The following SLC47A1 variants were observed in gnomAD, a reference collection of about 807,000 sequenced individuals.
SLC47A1 encodes the protein multidrug and toxin extrusion protein 1.
In SLC47A1, 58 loss-of-function variants were observed where a neutral mutation model predicts 65.8. The observed-to-expected ratio is 0.88, with a 90% CI of 0.71 to 1.10. The LOEUF is 1.10. SLC47A1 is among the 50% of genes least tolerant of loss of function. The pLI, the probability that SLC47A1 is intolerant of heterozygous loss-of-function variation, is 0.00. For synonymous variants in SLC47A1, 285 were observed against 295.0 expected, an observed-to-expected ratio of 0.97 and a Z score of 0.35; for missense variants, 706 against 719.2, an observed-to-expected ratio of 0.98 and a Z score of 0.21.
chr17:19,565,507 G>A (rs1339645880), intron 12 of SLC47A1, among the ~76,000 whole-genome samples: 1 of 151,750 alleles, frequency 6.6e-6, no homozygotes, highest in Non-Finnish European at 1.5e-5. Context: ...GGACTATGCG[G>A]TAACCCCTCT....
chr17:19,556,718 C>T lies in SLC47A1; in HGVS notation c.921+656C>T, dbSNP rs142374854. On this transcript the variant is annotated intron_variant, in intron 10 of 16. Transcript: ENST00000270570. ...AGATTACAGGTGCCTGCCACCACGC[C>T]CAGCTAATTTTGTATTTTCAGTAGA... 9.3e-3 allele frequency among the ~76,000 whole-genome samples: 1,415 copies of T among 152,182 alleles called. 57 individuals carry two copies. The highest frequency in any genetic ancestry group is 0.067 in the East Asian group (348 of 5,180).
At position 19,578,218 on chromosome 17, in the gene SLC47A1, T is replaced by G. The variant is rs976789114; in HGVS notation, c.*665T>G. On this transcript the variant is annotated 3_prime_UTR_variant, in exon 17 of 17. Coordinates refer to ENST00000270570, the MANE Select transcript of SLC47A1 (RefSeq NM_018242.3). Reference sequence around the variant, plus strand: ...GACACTGAAAAACAGTTGGGAAATCTTTCGAGCTGTGGAAATCCAAACAAA... The same window carrying G: ...GACACTGAAAAACAGTTGGGAAATCGTTCGAGCTGTGGAAATCCAAACAAA... The G allele has an allele frequency of 2.9e-6, 1 of 350,732 alleles. No homozygotes were observed. Among genetic ancestry groups the G allele is most frequent in the Non-Finnish European group, 5.6e-6 (1 of 177,554 alleles). 21.7% of individuals were successfully genotyped at this position (350,732 alleles called of 1,614,324 possible). A position where few individuals can be genotyped will look rare whatever the true frequency, so the allele number is the denominator to read the frequency against.
At chr17:19,554,717 T>C (rs1916554464) in intron 6 of SLC47A1, among the ~76,000 whole-genome samples, 1 of 152,206 alleles carries the variant, frequency 6.6e-6, no homozygotes, top group African/African-American at 2.4e-5. Flanking sequence ...CACCAAACAG[T>C]CTGGATGTTT....
intron 16 of SLC47A1, among the ~76,000 whole-genome samples, chr17:19,573,752 G>A (rs573626615): frequency 6.6e-6 from 1 of 152,114 alleles, no homozygotes; most frequent in African/African-American, 2.4e-5. Context: ...GAGCCTGAAA[G>A]AATGTTGTCT....
chr17:19,576,785 G>A (rs1276715647), intron 16 of SLC47A1, among the ~76,000 whole-genome samples: 1 of 151,664 alleles, frequency 6.6e-6, no homozygotes, highest in Admixed American at 6.6e-5. Flanking sequence ...TGTTGCCCAG[G>A]CTAGAGTGCA....
chr17:19,543,096 A>G (rs1306997820), intron 2 of SLC47A1, among the ~76,000 whole-genome samples: 1 of 135,004 alleles, frequency 7.4e-6, no homozygotes, highest in Admixed American at 7.9e-5. Flanking sequence ...CCAGCCTCAC[A>G]TCATCTTATT....
At chr17:19,566,999 C>T in intron 13 of SLC47A1, 97 bp from the exon 14 acceptor site, 7 of 1,596,748 alleles carry the variant, frequency 4.4e-6, no homozygotes, top group Non-Finnish European at 6.0e-6. Context: ...TGTCACCTTA[C>T]CATGGATTTT....
chr17:19,542,565 C>G, intron 2 of SLC47A1, 71 bp downstream of exon 2: 1 of 1,251,676 alleles, frequency 8.0e-7, no homozygotes. Context: ...TATAACAAAT[C>G]ATCAAAATGT....
intron 10 of SLC47A1, among the ~76,000 whole-genome samples, chr17:19,559,207 C>T (rs2084287429): frequency 6.6e-6 from 1 of 152,170 alleles, no homozygotes; most frequent in Non-Finnish European, 1.5e-5. Flanking sequence ...GTAACTTGCT[C>T]AGGGTGATGC....
chr17:19,545,944 C>T (rs1286987109), intron 2 of SLC47A1, among the ~76,000 whole-genome samples: 4 of 152,164 alleles, frequency 2.6e-5, no homozygotes, highest in South Asian at 2.1e-4. Context: ...AGTTCTAGGC[C>T]GCGCGCTGTG....
In SLC47A1 at chr17:19,555,786, C is replaced by G; in HGVS notation, c.740-10C>G. On this transcript the variant is annotated splice_polypyrimidine_tract_variant and intron_variant, in intron 8 of 16. Transcript: ENST00000270570. ...CAGATCTCCTGGAAATGTGTGTGTCCCCCCCACAGGCTGGTCCCTCGAGTG... is the reference window on the plus strand; with the variant it reads ...CAGATCTCCTGGAAATGTGTGTGTCGCCCCCACAGGCTGGTCCCTCGAGTG... 1 of 1,612,920 alleles carries G rather than the reference C, an allele frequency of 6.2e-7. No individual in the cohort carries two copies. Among genetic ancestry groups the G allele is most frequent in the Non-Finnish European group, 8.5e-7 (1 of 1,179,566 alleles).
chr17:19,571,462 ATATTTC>A lies in SLC47A1; in HGVS notation c.1310-7_1310-2del. ...TTTCTATGGAATTAACCTCTATTAA[ATATTTC>A]TATTTCTAGGTCTGTGGTCAGGGAT... On this transcript the variant is annotated splice_polypyrimidine_tract_variant and intron_variant, in intron 14 of 16. Transcript: ENST00000270570. 1 of 1,608,034 alleles carries A rather than the reference ATATTTC, an allele frequency of 6.2e-7. No homozygotes were observed. Among genetic ancestry groups the A allele is most frequent in the Non-Finnish European group, 8.5e-7 (1 of 1,176,126 alleles).
chr17:19,549,344 G>A (rs1047384741), intron 4 of SLC47A1, among the ~76,000 whole-genome samples: 4 of 151,978 alleles, frequency 2.6e-5, no homozygotes, highest in African/African-American at 9.7e-5. Context: ...GATTACAGGT[G>A]GCCGCCACCA....
At chr17:19,551,632 G>C (rs1364103966) in intron 6 of SLC47A1, among the ~76,000 whole-genome samples, 164 bp downstream of exon 6, 1 of 152,166 alleles carries the variant, frequency 6.6e-6, no homozygotes, top group Non-Finnish European at 1.5e-5. Flanking sequence ...CACAGAACTT[G>C]GATGTCAAGA....
chr17:19,554,772 C>T (rs934097542), intron 6 of SLC47A1, among the ~76,000 whole-genome samples: 6 of 152,164 alleles, frequency 3.9e-5, no homozygotes, highest in Non-Finnish European at 7.4e-5. Context: ...GGAATCCCTT[C>T]CGTATTCTAG....
At chr17:19,559,977 C>G (rs571117631) in intron 10 of SLC47A1, 29 of 537,402 alleles carry the variant, frequency 5.4e-5, no homozygotes, top group African/African-American at 3.6e-4. Flanking sequence ...TGCAGCAAAG[C>G]CCAGTTTGTG....
intron 14 of SLC47A1, among the ~76,000 whole-genome samples, chr17:19,567,467 A>G (rs2084368321): frequency 6.6e-6 from 1 of 152,122 alleles, no homozygotes; most frequent in South Asian, 2.1e-4. Flanking sequence ...CCACGCTGAC[A>G]CACTTGAGCA....
intron 10 of SLC47A1, among the ~76,000 whole-genome samples, chr17:19,558,086 C>T (rs1028664943): frequency 6.6e-6 from 1 of 152,184 alleles, no homozygotes; most frequent in Non-Finnish European, 1.5e-5. Context: ...GGTCTATCTA[C>T]ACAGTCCATG....
In SLC47A1 at chr17:19,566,875, T is replaced by G. The variant is rs1475475990; in HGVS notation, c.1176+16T>G. 2 of 1,613,660 alleles carry G rather than the reference T, an allele frequency of 1.2e-6. No individual in the cohort carries two copies. The highest frequency in any genetic ancestry group is 1.3e-5 in the African/African-American group (1 of 74,922). On this transcript the variant is annotated intron_variant, in intron 13 of 16. Transcript: ENST00000270570. ...AGCTCTTGCTGTAAGTATTATGTAG[T>G]AGTCCCCTAAGCACTGTTATGATCT... is the stretch of plus-strand genomic sequence containing the variant.
Sources: gnomAD v4.1 joint callset for allele counts (sites outside exome capture counted in the v4.1 genomes callset) on GRCh38, gnomAD v4.1.1 for gene constraint, MANE v1.5 for transcripts, NCBI Gene and HGNC (gene_info 2026-07-23, HGNC 2026-07-21) for gene names.